The following PALM2AKAP2 variants were observed in gnomAD, a reference collection of about 807,000 sequenced individuals.
PALM2AKAP2 encodes the protein PALM2 and AKAP2 fusion, also known as PALM2-AKAP2 fusion protein.
PALM2AKAP2 carries 37 observed loss-of-function variants against 71.5 expected under a neutral mutation model. That is an observed-to-expected ratio of 0.52 (90% CI 0.40 to 0.68). PALM2AKAP2 has a LOEUF of 0.68. Among genes scored for constraint, PALM2AKAP2 ranks in the 30% least tolerant of loss-of-function variants. The probability of loss-of-function intolerance (pLI) is 0.00; values close to 1 mark genes in which losing one functional copy is unlikely to be tolerated. For synonymous variants in PALM2AKAP2, 468 were observed against 478.8 expected, an observed-to-expected ratio of 0.98 and a Z score of 0.29; for missense variants, 1,224 against 1,191.8, an observed-to-expected ratio of 1.03 and a Z score of -0.40.
chr9:109,661,340 G>A (rs1338574783), intron 1 of PALM2AKAP2, among the ~76,000 whole-genome samples: 12 of 152,004 alleles, frequency 7.9e-5, no homozygotes, highest in African/African-American at 2.2e-4. Context: ...TAATTTTTGT[G>A]TAAGGTGTAA....
At chr9:110,079,487 C>T (rs1165325143) in intron 1 of PALM2AKAP2, among the ~76,000 whole-genome samples, 1 of 151,984 alleles carries the variant, frequency 6.6e-6, no homozygotes, top group Admixed American at 6.6e-5. Context: ...CAGAGTGAGA[C>T]TCCATCTCCA....
chr9:109,833,747 G>A (rs1410337351), intron 1 of PALM2AKAP2, among the ~76,000 whole-genome samples: 3 of 152,182 alleles, frequency 2.0e-5, no homozygotes, highest in African/African-American at 7.2e-5. Context: ...CAGTCACTGT[G>A]ACAATCAAGA....
chr9:110,106,285 C>A (rs776193448), intron 1 of PALM2AKAP2, among the ~76,000 whole-genome samples: 2 of 152,148 alleles, frequency 1.3e-5, no homozygotes, highest in Admixed American at 6.6e-5. Flanking sequence ...GTGACTATAG[C>A]CTGGGAGAGC....
At chr9:109,967,479 G>T (rs1262088710) in intron 6 of PALM2AKAP2, among the ~76,000 whole-genome samples, 1 of 150,388 alleles carries the variant, frequency 6.6e-6, no homozygotes, top group Non-Finnish European at 1.5e-5. Context: ...GCACGATCTT[G>T]GCTCACTGCA....
At chr9:109,697,518 C>T (rs1049906332) in intron 1 of PALM2AKAP2, among the ~76,000 whole-genome samples, 12 of 152,018 alleles carry the variant, frequency 7.9e-5, no homozygotes, top group Admixed American at 6.6e-4. Context: ...GGTAAAAAAG[C>T]ATTAGTATTT....
chr9:109,972,484 G>A (rs1832086912), intron 6 of PALM2AKAP2, among the ~76,000 whole-genome samples: 1 of 152,224 alleles, frequency 6.6e-6, no homozygotes, highest in Non-Finnish European at 1.5e-5. Flanking sequence ...AGCATGGCAT[G>A]AGGTTAGTGC....
chr9:110,053,541 A>AAG (rs929329678), intron 1 of PALM2AKAP2, among the ~76,000 whole-genome samples: 2 of 150,292 alleles, frequency 1.3e-5, no homozygotes, highest in South Asian at 2.1e-4. Flanking sequence ...AAAAAAAAAA[A>AAG]AAAAAAAGAA....
At chr9:109,798,952 C>T (rs1827340713) in intron 1 of PALM2AKAP2, among the ~76,000 whole-genome samples, 2 of 152,198 alleles carry the variant, frequency 1.3e-5, no homozygotes, top group Admixed American at 1.3e-4. Context: ...AGCCACCTGC[C>T]CTGCTGCCCT....
intron 1 of PALM2AKAP2, among the ~76,000 whole-genome samples, chr9:110,053,921 G>A (rs1833771751): frequency 6.6e-6 from 1 of 152,206 alleles, no homozygotes; most frequent in Non-Finnish European, 1.5e-5. Flanking sequence ...ATGGGCAGGG[G>A]CTTTGTGGTT....
chr9:110,000,957 A>G (rs916148572), intron 6 of PALM2AKAP2, among the ~76,000 whole-genome samples: 54 of 152,082 alleles, frequency 3.6e-4, no homozygotes, highest in Admixed American at 3.1e-3. Context: ...CTCCCATTCT[A>G]TAGGCTGCCT....
At chr9:109,990,189 AG>A (rs1454747465) in intron 6 of PALM2AKAP2, among the ~76,000 whole-genome samples, 1 of 149,412 alleles carries the variant, frequency 6.7e-6, no homozygotes, top group Non-Finnish European at 1.5e-5. Context: ...CTCGTGCCTC[AG>A]CCTCCCACGT....
chr9:110,087,521 TA>T (rs1834601215), intron 1 of PALM2AKAP2, among the ~76,000 whole-genome samples: 1 of 152,210 alleles, frequency 6.6e-6, no homozygotes, highest in Non-Finnish European at 1.5e-5. Flanking sequence ...GTTCCAGCCT[TA>T]TCGTGGTTTG....
At chr9:109,669,451 G>A (rs1827542918) in intron 1 of PALM2AKAP2, among the ~76,000 whole-genome samples, 1 of 151,776 alleles carries the variant, frequency 6.6e-6, no homozygotes, top group African/African-American at 2.4e-5. Context: ...AGTTATGTTG[G>A]CATCATAAAA....
At chr9:110,077,774 G>C (rs892648867) in intron 1 of PALM2AKAP2, among the ~76,000 whole-genome samples, 1 of 152,194 alleles carries the variant, frequency 6.6e-6, no homozygotes, top group African/African-American at 2.4e-5. Context: ...CCAGCACTTT[G>C]GGAGGCCGAG....
chr9:109,809,460 T>C (rs1827670511), intron 1 of PALM2AKAP2, among the ~76,000 whole-genome samples: 1 of 152,224 alleles, frequency 6.6e-6, no homozygotes, highest in Admixed American at 6.5e-5. Context: ...TTTGGCCAAT[T>C]TCTCCCATTT....
chr9:110,168,458 A>G lies in PALM2AKAP2; in HGVS notation c.2808A>G (p.Ala936=), dbSNP rs1457447060. ...GCGCACTGGCTTTGCGCTGGGAAGC[A>G]GGGATCTATGCCAACCAGGAGGAAG... The change falls in exon 4 of 4, where the codon GCA becomes GCG. Residue 936 remains alanine (A), a synonymous_variant. Transcript: ENST00000374525. The G allele has an allele frequency of 3.7e-6, 6 of 1,614,216 alleles. No individual in the cohort carries two copies. The East Asian group carries it at 6.7e-5, about 18-fold the overall frequency.
chr9:110,113,189 G>A (rs1348606559), intron 1 of PALM2AKAP2, among the ~76,000 whole-genome samples: 1 of 151,856 alleles, frequency 6.6e-6, no homozygotes, highest in African/African-American at 2.4e-5. Context: ...TTTATCTACA[G>A]GTTTTTATTT....
chr9:110,029,613 G>C (rs1486874264), intron 7 of PALM2AKAP2, among the ~76,000 whole-genome samples: 1 of 152,178 alleles, frequency 6.6e-6, no homozygotes, highest in Non-Finnish European at 1.5e-5. Context: ...CTGCAGATAA[G>C]CCTCATTTCT....
chr9:110,107,637 G>C (rs753655545), intron 1 of PALM2AKAP2, among the ~76,000 whole-genome samples: 3 of 152,162 alleles, frequency 2.0e-5, no homozygotes, highest in Non-Finnish European at 2.9e-5. Flanking sequence ...TGCCATCTCA[G>C]CTCACTGCAA....
Sources: gnomAD v4.1 joint callset for allele counts (sites outside exome capture counted in the v4.1 genomes callset) on GRCh38, gnomAD v4.1.1 for gene constraint, MANE v1.5 for transcripts, NCBI Gene and HGNC (gene_info 2026-07-23, HGNC 2026-07-21) for gene names.